The following CACNA1D variants were observed in gnomAD, a reference collection of about 807,000 sequenced individuals.
The protein encoded by CACNA1D is voltage-dependent L-type calcium channel subunit alpha-1D.
In CACNA1D, 55 loss-of-function variants were observed where a neutral mutation model predicts 257.1. The observed-to-expected ratio is 0.21, with a 90% CI of 0.17 to 0.27. The LOEUF is 0.27. CACNA1D is among the 10% of genes least tolerant of loss of function. The pLI is 1.00. For synonymous variants in CACNA1D, 980 were observed against 1,014.9 expected (o/e 0.97, Z 0.65); for missense variants, 1,876 against 2,784.0 (o/e 0.67, Z 7.34).
At position 53,614,142 on chromosome 3, in the gene CACNA1D, A is replaced by AAAAG. The variant is rs1553749063; in HGVS notation, c.484-36636_484-36635insAAGA. Among the ~76,000 whole-genome samples the AAAAG allele has an allele frequency of 1.2e-3, 185 of 151,468 alleles. 1 individual carries two copies. Among genetic ancestry groups the AAAAG allele is most frequent in the African/African-American group, 4.2e-3 (174 of 41,214 alleles). On this transcript the variant is annotated intron_variant, in intron 3 of 47. Coordinates refer to ENST00000350061, the MANE Select transcript of CACNA1D (RefSeq NM_001128840.3). The stretch of plus-strand genomic sequence containing the variant: ...CCCCCAACTCAAAAAAAAAAAAAAA[A>AAAAG]AGAGAGACAAGAAAGTACCCTTAGG...
chr3:53,805,053 C>A lies in CACNA1D; in HGVS notation c.5656C>A (p.His1886Asn). Residue 1886 changes from histidine (H) to asparagine (N), a missense_variant, in exon 45 of 48, where the codon CAT becomes AAT. His to Asn is a moderately conservative substitution (Grantham distance 68). Around this residue, in one of 10 missense-constraint regions of CACNA1D, gnomAD observed 491 missense variants for 554.3 expected, o/e 0.89. Transcript: ENST00000350061. ...IDSERPRGYH[H>N]PQGFLEDDDS... Reference sequence around the variant, plus strand: ...CTCTGAGAGGCCCCGAGGCTACCATCATCCCCAAGGATTCTTGGAGGACGA... The same window carrying A: ...CTCTGAGAGGCCCCGAGGCTACCATAATCCCCAAGGATTCTTGGAGGACGA... 3.1e-6 allele frequency: 5 copies of A among 1,614,084 alleles called. No individual in the cohort carries two copies. The highest frequency in any genetic ancestry group is 4.2e-6 in the Non-Finnish European group (5 of 1,179,940).
In CACNA1D at chr3:53,541,711, T is replaced by G. The variant is rs559339673; in HGVS notation, c.483+39991T>G. On this transcript the variant is annotated intron_variant, in intron 3 of 47. Coordinates refer to ENST00000350061, the MANE Select transcript of CACNA1D (RefSeq NM_001128840.3). ...TCAGATGTTTCGTGAGCACCTGTGTTCTGGGGAATAGTGAACACCGTGAGG... is the reference window on the plus strand; with the variant it reads ...TCAGATGTTTCGTGAGCACCTGTGTGCTGGGGAATAGTGAACACCGTGAGG... 7.2e-5 allele frequency among the ~76,000 whole-genome samples: 11 copies of G among 152,316 alleles called. No homozygotes were observed. In the East Asian group the frequency reaches 1.9e-3, roughly 27 times the overall value.
intron 9 of CACNA1D, 88 bp from the exon 10 acceptor site, chr3:53,718,213 T>G: frequency 8.8e-7 from 1 of 1,134,426 alleles, no homozygotes; most frequent in Non-Finnish European, 1.3e-6. Context: ...TCCGGAGGTC[T>G]GCCTGGTGGC....
chr3:53,663,127 C>CT (rs1360334444), intron 5 of CACNA1D, among the ~76,000 whole-genome samples: 1 of 152,150 alleles, frequency 6.6e-6, no homozygotes, highest in Non-Finnish European at 1.5e-5. Context: ...CGTGCTGAGT[C>CT]TGAAATCCTC....
intron 40 of CACNA1D, among the ~76,000 whole-genome samples, chr3:53,787,154 G>A (rs2095458305): frequency 6.6e-6 from 1 of 152,038 alleles, no homozygotes; most frequent in South Asian, 2.1e-4. Context: ...CTACCCCATA[G>A]AGCCCTGCAC....
intron 3 of CACNA1D, among the ~76,000 whole-genome samples, chr3:53,507,452 C>CAA (rs60741810): frequency 0.024 from 2,994 of 123,170 alleles, 149 homozygotes; most frequent in East Asian, 0.18. Flanking sequence ...CTCCCCCCGC[C>CAA]AAAAAAAAAA....
chr3:53,776,976 G>T lies in CACNA1D; in HGVS notation c.4587+20G>T, dbSNP rs1464144310. On this transcript the variant is annotated intron_variant, in intron 37 of 47. Coordinates refer to ENST00000350061, the MANE Select transcript of CACNA1D (RefSeq NM_001128840.3). ...TGCAAGGTGAGTGTCCTGTGTGCGT[G>T]TCTGACAGCCTGTCTTGTAGAAGCT... The T allele has an allele frequency of 6.4e-7, 1 of 1,559,242 alleles. No individual in the cohort carries two copies. Among genetic ancestry groups the T allele is most frequent in the Non-Finnish European group, 8.8e-7 (1 of 1,130,384 alleles).
intron 9 of CACNA1D, among the ~76,000 whole-genome samples, chr3:53,717,966 T>C (rs1046567283): frequency 5.9e-5 from 9 of 152,156 alleles, no homozygotes; most frequent in Non-Finnish European, 1.0e-4. Context: ...GGCTTCTCAG[T>C]GTGATCCCAG....
intron 15 of CACNA1D, among the ~76,000 whole-genome samples, chr3:53,730,045 G>A (rs1328952811): frequency 6.7e-6 from 1 of 149,506 alleles, no homozygotes; most frequent in African/African-American, 2.5e-5. Flanking sequence ...TGTAGTATGT[G>A]TTTAAAAAAA....
intron 7 of CACNA1D, among the ~76,000 whole-genome samples, chr3:53,669,542 T>A (rs1012889920): frequency 1.3e-5 from 2 of 152,230 alleles, no homozygotes; most frequent in African/African-American, 4.8e-5. Context: ...GTCATTGTTT[T>A]GCATCTAGTC....
intron 26 of CACNA1D, among the ~76,000 whole-genome samples, chr3:53,747,833 T>C (rs565652524): frequency 6.6e-6 from 1 of 152,022 alleles, no homozygotes; most frequent in East Asian, 1.9e-4. Flanking sequence ...ATATTCCCAG[T>C]TGCGGACAGT....
chr3:53,688,861 G>C (rs2094495593), intron 8 of CACNA1D, among the ~76,000 whole-genome samples: 1 of 152,168 alleles, frequency 6.6e-6, no homozygotes, highest in African/African-American at 2.4e-5. Context: ...GACCCTTGCT[G>C]TGTCTGAAGG....
intron 3 of CACNA1D, among the ~76,000 whole-genome samples, chr3:53,599,968 G>A (rs2093421585): frequency 6.6e-6 from 1 of 152,252 alleles, no homozygotes; most frequent in Non-Finnish European, 1.5e-5. Flanking sequence ...GCTAGATGAA[G>A]CAATCCATTT....
intron 4 of CACNA1D, among the ~76,000 whole-genome samples, chr3:53,653,738 G>A (rs2094121291): frequency 6.8e-6 from 1 of 147,252 alleles, no homozygotes; most frequent in African/African-American, 2.5e-5. Flanking sequence ...TATATTTGGA[G>A]CCTCAGAAGG....
intron 3 of CACNA1D, among the ~76,000 whole-genome samples, chr3:53,633,424 C>T (rs1459458693): frequency 6.6e-6 from 1 of 151,690 alleles, no homozygotes; most frequent in Admixed American, 6.6e-5. Flanking sequence ...CATTACACTC[C>T]ACCCTGGGGA....
At chr3:53,516,386 T>C (rs1389683724) in intron 3 of CACNA1D, among the ~76,000 whole-genome samples, 2 of 152,236 alleles carry the variant, frequency 1.3e-5, no homozygotes, top group African/African-American at 2.4e-5. Context: ...TATTGTGGCC[T>C]AGTCCACGGA....
chr3:53,629,663 C>G (rs987767808), intron 3 of CACNA1D, among the ~76,000 whole-genome samples: 4 of 152,154 alleles, frequency 2.6e-5, no homozygotes, highest in African/African-American at 9.7e-5. Context: ...TCCCTTCTTT[C>G]GTTTTTCTCC....
chr3:53,730,659 C>T, intron 16 of CACNA1D, 103 bp downstream of exon 16: 1 of 864,646 alleles, frequency 1.2e-6, no homozygotes, highest in Non-Finnish European at 1.9e-6. Context: ...CAGCTGCAGC[C>T]CCCGGGTTGC....
chr3:53,569,044 C>G (rs1306601660), intron 3 of CACNA1D, among the ~76,000 whole-genome samples: 2 of 152,200 alleles, frequency 1.3e-5, no homozygotes, highest in Non-Finnish European at 2.9e-5. Flanking sequence ...TCCCAGGATA[C>G]CACACTTTCC....
Sources: gnomAD v4.1 joint callset for allele counts (sites outside exome capture counted in the v4.1 genomes callset) on GRCh38, gnomAD v4.1.1 for gene constraint, gnomAD v4.1.1 regional missense constraint, MANE v1.5 for transcripts, NCBI Gene and HGNC (gene_info 2026-07-23, HGNC 2026-07-21) for gene names.